Variants in CSMD1 observed in about 807,000 individuals in gnomAD.
The protein encoded by CSMD1 is CUB and sushi domain-containing protein 1.
CSMD1 carries 213 observed loss-of-function variants against 417.5 expected under a neutral mutation model. The ratio of observed to expected loss-of-function variants is 0.51; its 90% confidence interval spans 0.46 to 0.57. The LOEUF is 0.57. Among genes scored for constraint, CSMD1 ranks in the 20% least tolerant of loss-of-function variants. The pLI is 0.00. For synonymous variants in CSMD1, 2,862 were observed against 1,736.8 expected (o/e 1.65, Z -16.11); for missense variants, 6,923 against 4,529.7 (o/e 1.53, Z -15.17).
intron 3 of CSMD1, among the ~76,000 whole-genome samples, chr8:4,158,237 G>T (rs771126527): frequency 1.4e-4 from 22 of 151,928 alleles, no homozygotes; most frequent in Non-Finnish European, 2.6e-4. Flanking sequence ...TAGGACGGAG[G>T]ATCATGCCCC....
chr8:3,508,344 CG>C (rs1402548031), intron 10 of CSMD1, among the ~76,000 whole-genome samples: 3 of 117,596 alleles, frequency 2.6e-5, no homozygotes, highest in Non-Finnish European at 5.1e-5. Flanking sequence ...ACATCACACA[CG>C]GGGGCCTGTT....
intron 3 of CSMD1, among the ~76,000 whole-genome samples, chr8:4,398,505 AG>A (rs1347544905): frequency 1.4e-5 from 2 of 139,456 alleles, no homozygotes; most frequent in Non-Finnish European, 3.1e-5. Context: ...CCATTCTCCT[AG>A]CCTCAGCCTC....
At chr8:4,772,481 C>G (rs138878158) in intron 1 of CSMD1, among the ~76,000 whole-genome samples, 1 of 152,070 alleles carries the variant, frequency 6.6e-6, no homozygotes, top group Non-Finnish European at 1.5e-5. Flanking sequence ...GGTCATGGAG[C>G]AAAACATAAT....
intron 1 of CSMD1, chr8:4,788,115 G>C: frequency 6.2e-7 from 1 of 1,603,606 alleles, no homozygotes; most frequent in Non-Finnish European, 8.5e-7. Context: ...GTGCAGGGTT[G>C]TAGTGTTGAT....
At chr8:2,976,048 A>C (rs1804891179) in intron 55 of CSMD1, among the ~76,000 whole-genome samples, 1 of 152,234 alleles carries the variant, frequency 6.6e-6, no homozygotes, top group Non-Finnish European at 1.5e-5. Flanking sequence ...GAGAATGCAG[A>C]CATAATTTGA....
chr8:4,986,392 T>TA (rs1232379005), intron 1 of CSMD1, among the ~76,000 whole-genome samples: 1 of 152,142 alleles, frequency 6.6e-6, no homozygotes, highest in African/African-American at 2.4e-5. Context: ...CACTTTCTGT[T>TA]AAAAAAGAAG....
At chr8:4,747,905 A>G (rs1309339813) in intron 1 of CSMD1, among the ~76,000 whole-genome samples, 3 of 152,242 alleles carry the variant, frequency 2.0e-5, no homozygotes, top group Non-Finnish European at 4.4e-5. Context: ...TAAGCAAAGG[A>G]TAATCAATGA....
At chr8:4,518,395 T>C (rs1006026218) in intron 2 of CSMD1, among the ~76,000 whole-genome samples, 3 of 152,144 alleles carry the variant, frequency 2.0e-5, no homozygotes, top group Non-Finnish European at 4.4e-5. Flanking sequence ...AATAAAAAAC[T>C]ATATTGAACA....
chr8:4,740,425 G>C (rs1391299667), intron 1 of CSMD1, among the ~76,000 whole-genome samples: 5 of 152,116 alleles, frequency 3.3e-5, no homozygotes, highest in South Asian at 2.1e-4. Flanking sequence ...TGCTTACTCT[G>C]TTTCTGCAAC....
chr8:4,836,945 G>A (rs552728243), intron 1 of CSMD1, among the ~76,000 whole-genome samples: 110 of 152,246 alleles, frequency 7.2e-4, no homozygotes, highest in Non-Finnish European at 1.4e-3. Flanking sequence ...CTCCATGGCT[G>A]TTGAAAGGAA....
intron 7 of CSMD1, among the ~76,000 whole-genome samples, chr8:3,683,038 G>T (rs1799748280): frequency 6.6e-6 from 1 of 152,040 alleles, no homozygotes; most frequent in Admixed American, 6.6e-5. Context: ...ACACACCAGG[G>T]ACTGTTGTGG....
intron 3 of CSMD1, among the ~76,000 whole-genome samples, chr8:4,380,431 T>C (rs115294893): frequency 0.011 from 1,748 of 152,278 alleles, 35 homozygotes; most frequent in African/African-American, 0.039. Flanking sequence ...ATCAAGAGAA[T>C]TTCCACAGAA....
chr8:3,548,395 C>A (rs1270689033), intron 10 of CSMD1, among the ~76,000 whole-genome samples: 2 of 152,036 alleles, frequency 1.3e-5, no homozygotes, highest in East Asian at 3.9e-4. Flanking sequence ...GCACTTATCA[C>A]CTGAGCAGTA....
rs199601817 is a variant in CSMD1, at chr8:4,902,275, T to TAAAAA, written c.85+92052_85+92056dup. Among the ~76,000 whole-genome samples the TAAAAA allele has an allele frequency of 2.5e-3, 368 of 146,948 alleles. 1 individual carries two copies. Among genetic ancestry groups the TAAAAA allele is most frequent in the South Asian group, 0.014 (64 of 4,636 alleles). ...AGACAAAACATCTCGCTCTATCTAT[T>TAAAAA]AAAAAAAAAAAAAAATCCTGGCATG... On this transcript the variant is annotated intron_variant, in intron 1 of 69. Transcript: ENST00000635120.
chr8:3,380,723 C>T (rs1285993612), intron 18 of CSMD1, among the ~76,000 whole-genome samples: 2 of 152,194 alleles, frequency 1.3e-5, no homozygotes, highest in Admixed American at 1.3e-4. Flanking sequence ...GGAAACATCA[C>T]ACACTGGGTC....
At chr8:4,070,959 A>G (rs1476896332) in intron 3 of CSMD1, among the ~76,000 whole-genome samples, 3 of 152,202 alleles carry the variant, frequency 2.0e-5, no homozygotes, top group Admixed American at 1.3e-4. Flanking sequence ...ATGTAAAATC[A>G]GCAATAATTT....
intron 1 of CSMD1, among the ~76,000 whole-genome samples, chr8:4,764,684 T>TAA (rs35513756): frequency 6.9e-4 from 99 of 143,034 alleles, no homozygotes; most frequent in African/African-American, 1.9e-3. Flanking sequence ...AAAAATTTGT[T>TAA]AAAAAAAAAA....
intron 3 of CSMD1, among the ~76,000 whole-genome samples, chr8:4,140,462 C>T (rs1803718078): frequency 6.6e-6 from 1 of 150,522 alleles, no homozygotes; most frequent in Non-Finnish European, 1.5e-5. Context: ...CAAACATTTG[C>T]ACTCCAGTAT....
At chr8:4,170,303 C>G (rs988120436) in intron 3 of CSMD1, among the ~76,000 whole-genome samples, 4 of 151,868 alleles carry the variant, frequency 2.6e-5, no homozygotes, top group South Asian at 2.1e-4. Flanking sequence ...GCATTTGCGT[C>G]TCAATGATAT....
Sources: gnomAD v4.1 joint callset for allele counts (sites outside exome capture counted in the v4.1 genomes callset) on GRCh38, gnomAD v4.1.1 for gene constraint, MANE v1.5 for transcripts, NCBI Gene and HGNC (gene_info 2026-07-23, HGNC 2026-07-21) for gene names.